The following CFAP299 variants were observed in gnomAD, a reference collection of about 807,000 sequenced individuals.
CFAP299 encodes cilia and flagella associated protein 299, also known as cilia- and flagella-associated protein 299.
Under a neutral mutation model 27.0 loss-of-function variants are expected in CFAP299, and 21 were observed. The observed-to-expected ratio is 0.78, with a 90% CI of 0.55 to 1.12. CFAP299 has a LOEUF of 1.12. Among genes scored for constraint, CFAP299 ranks in the 50% most tolerant of loss-of-function variants. The pLI is 0.00. For missense variants in CFAP299, 310 were observed against 276.6 expected (o/e 1.12, Z -0.86); for synonymous variants, 104 against 98.1 (o/e 1.06, Z -0.36).
intron 5 of CFAP299, among the ~76,000 whole-genome samples, chr4:80,955,012 A>C (rs1737988399): frequency 1.5e-5 from 2 of 130,688 alleles, no homozygotes; most frequent in African/African-American, 3.2e-5. Flanking sequence ...AAAAAAAAAA[A>C]AAAAAAAAAA....
intron 4 of CFAP299, chr4:80,872,746 C>A: frequency 4.8e-6 from 1 of 210,034 alleles, no homozygotes; most frequent in Non-Finnish European, 8.2e-6. Context: ...CTTTTATTGG[C>A]TGTTCAGATT....
intron 4 of CFAP299, among the ~76,000 whole-genome samples, chr4:80,930,263 C>G (rs1168215608): frequency 2.0e-5 from 3 of 152,168 alleles, no homozygotes; most frequent in African/African-American, 7.2e-5. Context: ...CTTGGAAGCC[C>G]TTCCCATACC....
At chr4:80,943,614 T>C (rs1015079167) in intron 4 of CFAP299, among the ~76,000 whole-genome samples, 1 of 152,078 alleles carries the variant, frequency 6.6e-6, no homozygotes, top group Non-Finnish European at 1.5e-5. Flanking sequence ...ATAAGATACA[T>C]AAAAATAAGT....
At chr4:80,935,919 T>C (rs1736866497) in intron 4 of CFAP299, among the ~76,000 whole-genome samples, 2 of 152,158 alleles carry the variant, frequency 1.3e-5, no homozygotes, top group Non-Finnish European at 2.9e-5. Flanking sequence ...AGAGACACTT[T>C]ACAAAAGTAG....
chr4:80,396,615 A>C (rs1358609332), intron 2 of CFAP299, among the ~76,000 whole-genome samples: 2 of 152,112 alleles, frequency 1.3e-5, no homozygotes, highest in Non-Finnish European at 2.9e-5. Flanking sequence ...ATTTCTTTTT[A>C]AAATTTAAAT....
At chr4:80,700,716 T>G (rs1721420767) in intron 3 of CFAP299, among the ~76,000 whole-genome samples, 1 of 151,924 alleles carries the variant, frequency 6.6e-6, no homozygotes, top group Non-Finnish European at 1.5e-5. Flanking sequence ...CAAGAAATTG[T>G]AGAATGAGAT....
chr4:80,899,008 T>C (rs1734751220), intron 4 of CFAP299, among the ~76,000 whole-genome samples: 1 of 152,216 alleles, frequency 6.6e-6, no homozygotes, highest in South Asian at 2.1e-4. Context: ...ATCTCTATCA[T>C]ACAGCTAAAC....
chr4:80,584,208 T>C (rs1450196552), intron 3 of CFAP299, among the ~76,000 whole-genome samples: 1 of 152,052 alleles, frequency 6.6e-6, no homozygotes, highest in Non-Finnish European at 1.5e-5. Context: ...AAAGTCTGAA[T>C]GAATATATGA....
chr4:80,963,429 A>G (rs1738443530), intron 5 of CFAP299, 88 bp from the exon 6 acceptor site: 1 of 727,422 alleles, frequency 1.4e-6, no homozygotes, highest in Non-Finnish European at 2.2e-6. Context: ...TTTTTTCTGC[A>G]ATATAAAGCA....
intron 4 of CFAP299, among the ~76,000 whole-genome samples, chr4:80,902,021 T>C (rs182116674): frequency 1.3e-5 from 2 of 152,170 alleles, no homozygotes; most frequent in Admixed American, 1.3e-4. Context: ...TATGGCATTG[T>C]GAAAAACAGT....
chr4:80,434,417 AG>A (rs1727966820), intron 2 of CFAP299, among the ~76,000 whole-genome samples: 1 of 152,200 alleles, frequency 6.6e-6, no homozygotes. Context: ...ATCTTCAAAA[AG>A]AGGAAATGTT....
chr4:80,343,093 T>G (rs1722534946), intron 1 of CFAP299, among the ~76,000 whole-genome samples: 1 of 152,162 alleles, frequency 6.6e-6, no homozygotes, highest in African/African-American at 2.4e-5. Context: ...ATGTACATAA[T>G]GAGAAAGGGT....
chr4:80,792,004 G>A (rs894007949), intron 3 of CFAP299, among the ~76,000 whole-genome samples: 1 of 151,656 alleles, frequency 6.6e-6, no homozygotes, highest in African/African-American at 2.4e-5. Context: ...AAATACAACT[G>A]AAATGAATAA....
At chr4:80,780,892 C>G (rs1279311592) in intron 3 of CFAP299, among the ~76,000 whole-genome samples, 2 of 151,656 alleles carry the variant, frequency 1.3e-5, no homozygotes, top group African/African-American at 4.8e-5. Context: ...GTATTTTATG[C>G]CTATAAATTA....
At chr4:80,594,120 C>T (rs188428596) in intron 3 of CFAP299, among the ~76,000 whole-genome samples, 1 of 152,198 alleles carries the variant, frequency 6.6e-6, no homozygotes, top group East Asian at 1.9e-4. Context: ...TCCATTTTCG[C>T]ACTGCTATAA....
rs1029497694 is a variant in CFAP299, at chr4:80,736,976, C to T, written c.334-133017C>T. On this transcript the variant is annotated intron_variant, in intron 3 of 5. Coordinates refer to ENST00000358105, the MANE Select transcript of CFAP299 (RefSeq NM_152770.3). ...GGCACATATACACCATGGAATACTA[C>T]GCAGCCATAAAAAATGATGAGTTCA... Among the ~76,000 whole-genome samples the T allele has an allele frequency of 9.3e-4, 142 of 151,970 alleles. 1 individual carries two copies. Among genetic ancestry groups the T allele is most frequent in the African/African-American group, 2.8e-3 (118 of 41,412 alleles).
chr4:80,556,859 T>G (rs1214010895), intron 2 of CFAP299, among the ~76,000 whole-genome samples: 4 of 152,056 alleles, frequency 2.6e-5, no homozygotes, highest in Non-Finnish European at 1.5e-5. Flanking sequence ...TATCTGTCTC[T>G]TCCCCCTCCA....
chr4:80,620,165 CT>C (rs1282712053), intron 3 of CFAP299, among the ~76,000 whole-genome samples: 1 of 152,124 alleles, frequency 6.6e-6, no homozygotes, highest in Non-Finnish European at 1.5e-5. Flanking sequence ...TCAGCACACA[CT>C]TGATTCAATA....
At chr4:80,557,573 G>C (rs564899742) in intron 2 of CFAP299, among the ~76,000 whole-genome samples, 12 of 152,156 alleles carry the variant, frequency 7.9e-5, no homozygotes, top group Admixed American at 7.2e-4. Context: ...AAGTAGTTAG[G>C]TTACTCATTG....
Sources: gnomAD v4.1 joint callset for allele counts (sites outside exome capture counted in the v4.1 genomes callset) on GRCh38, gnomAD v4.1.1 for gene constraint, MANE v1.5 for transcripts, NCBI Gene and HGNC (gene_info 2026-07-23, HGNC 2026-07-21) for gene names.